The following STAG1 variants were observed in gnomAD, a reference collection of about 807,000 sequenced individuals.
STAG1 encodes the protein cohesin subunit SA-1.
STAG1 carries 26 observed loss-of-function variants against 170.9 expected under a neutral mutation model. The ratio of observed to expected loss-of-function variants is 0.15; its 90% CI spans 0.11 to 0.21. STAG1 has a LOEUF of 0.21. Ranked by LOEUF, STAG1 falls within the 10% of genes least tolerant of loss-of-function variation. STAG1 has a pLI of 1.00. For synonymous variants in STAG1, 514 were observed against 497.7 expected (o/e 1.03, Z -0.44); for missense variants, 964 against 1,509.5 (o/e 0.64, Z 5.99).
In STAG1 at chr3:136,632,185, G is replaced by A. The variant is rs1940358276; in HGVS notation, c.-83-1204C>T. On this transcript the variant is annotated intron_variant, in intron 1 of 33. Transcript: ENST00000383202. ...ATAATCTTTCAAAAAAATGAAAGGA[G>A]TCATACCATGGGAAATCGATGAGTA... Among the ~76,000 whole-genome samples, 4 of 152,170 alleles carry A rather than the reference G, an allele frequency of 2.6e-5. No individual in the cohort carries two copies. In the South Asian group the frequency reaches 8.3e-4, roughly 32 times the overall value.
intron 15 of STAG1, among the ~76,000 whole-genome samples, chr3:136,435,075 C>G (rs1207313554): frequency 1.3e-5 from 2 of 152,170 alleles, no homozygotes; most frequent in Non-Finnish European, 2.9e-5. Context: ...TTTGATTATA[C>G]TAGACTTATG....
chr3:136,592,947 C>T (rs952422688), intron 4 of STAG1, among the ~76,000 whole-genome samples: 3 of 152,202 alleles, frequency 2.0e-5, no homozygotes, highest in Admixed American at 1.3e-4. Flanking sequence ...AGTTCAAAGG[C>T]ACAGACAACC....
At chr3:136,689,861 G>C (rs1472490330) in intron 1 of STAG1, among the ~76,000 whole-genome samples, 1 of 151,886 alleles carries the variant, frequency 6.6e-6, no homozygotes, top group Non-Finnish European at 1.5e-5. Context: ...GGCCTAGATG[G>C]TAAAATCCCA....
chr3:136,397,608 G>A (rs2087203972), intron 22 of STAG1, among the ~76,000 whole-genome samples: 1 of 152,100 alleles, frequency 6.6e-6, no homozygotes, highest in Admixed American at 6.6e-5. Context: ...AGCCCCTGAA[G>A]GAAACTGGAG....
intron 3 of STAG1, among the ~76,000 whole-genome samples, chr3:136,622,885 C>G (rs989151532): frequency 6.6e-6 from 1 of 152,202 alleles, no homozygotes; most frequent in South Asian, 2.1e-4. Context: ...AAACCTCATT[C>G]ACTGTTAGTG....
chr3:136,735,937 T>C (rs1305285295), intron 1 of STAG1, among the ~76,000 whole-genome samples: 2 of 152,150 alleles, frequency 1.3e-5, no homozygotes, highest in East Asian at 1.9e-4. Flanking sequence ...GCCACGCTGA[T>C]TGGTCAGTAG....
At chr3:136,752,006 ACCCCGCACAGGCCCGCGCGGCCTCCCTC>A (rs976342035) in intron 1 of STAG1, among the ~76,000 whole-genome samples, 161 bp downstream of exon 1, 8 of 150,506 alleles carry the variant, frequency 5.3e-5, no homozygotes, top group East Asian at 2.0e-4. Flanking sequence ...CGACCGCCGC[ACCCCGCACAGGCCCGCGCGGCCTCCCTC>A]CCCCGCACGG....
intron 9 of STAG1, among the ~76,000 whole-genome samples, chr3:136,488,379 T>G (rs2090058050): frequency 6.6e-6 from 1 of 152,210 alleles, no homozygotes; most frequent in Non-Finnish European, 1.5e-5. Flanking sequence ...CGCCTTGGCC[T>G]CCCAAAGGGC....
intron 7 of STAG1, among the ~76,000 whole-genome samples, chr3:136,513,282 A>G (rs1934170411): frequency 6.6e-6 from 1 of 152,024 alleles, no homozygotes; most frequent in Non-Finnish European, 1.5e-5. Flanking sequence ...CCTTGAACCC[A>G]GGAGGCATAG....
At chr3:136,525,845 C>T (rs896480920) in intron 6 of STAG1, among the ~76,000 whole-genome samples, 22 of 152,282 alleles carry the variant, frequency 1.4e-4, no homozygotes, top group African/African-American at 4.3e-4. Flanking sequence ...GCCTTCATTT[C>T]GTTATGTATC....
intron 4 of STAG1, among the ~76,000 whole-genome samples, chr3:136,577,512 C>A (rs911364525): frequency 5.3e-5 from 8 of 152,124 alleles, no homozygotes; most frequent in Non-Finnish European, 1.5e-5. Flanking sequence ...TAATTCTGAG[C>A]CTCCCATACC....
intron 1 of STAG1, among the ~76,000 whole-genome samples, chr3:136,676,993 G>C (rs1390518744): frequency 6.6e-6 from 1 of 151,976 alleles, no homozygotes; most frequent in Non-Finnish European, 1.5e-5. Flanking sequence ...AAATTCTTCA[G>C]GAACAGTAAC....
intron 23 of STAG1, 119 bp downstream of exon 23, chr3:136,377,541 C>T (rs80038788): frequency 1.4e-6 from 1 of 706,632 alleles, no homozygotes; most frequent in Non-Finnish European, 2.4e-6. Context: ...TGTTCCAGGT[C>T]CAGTAAATGT....
chr3:136,601,710 A>T (rs547499534), intron 4 of STAG1, among the ~76,000 whole-genome samples: 93 of 152,098 alleles, frequency 6.1e-4, no homozygotes, highest in African/African-American at 2.1e-3. Context: ...GGTGGCAGGC[A>T]CCTGTAACCC....
intron 6 of STAG1, 99 bp from the exon 7 acceptor site, chr3:136,521,516 A>G (rs1934669430): frequency 1.0e-6 from 1 of 981,234 alleles, no homozygotes; most frequent in South Asian, 1.7e-5. Flanking sequence ...TTTTTTGCAA[A>G]GCAGTTATAG....
chr3:136,514,365 C>A (rs908242156), intron 7 of STAG1, among the ~76,000 whole-genome samples: 1 of 152,154 alleles, frequency 6.6e-6, no homozygotes, highest in African/African-American at 2.4e-5. Context: ...CAGTAAGATA[C>A]CATCTCACAC....
rs1942805451 is a variant in STAG1, at chr3:136,694,000, C to T, written c.-84+58195G>A. Among the ~76,000 whole-genome samples the T allele has an allele frequency of 2.0e-5, 3 of 152,078 alleles. No homozygotes were observed. In the South Asian group the frequency reaches 6.2e-4, roughly 31 times the overall value. On this transcript the variant is annotated intron_variant, in intron 1 of 33. Coordinates refer to ENST00000383202, the MANE Select transcript of STAG1 (RefSeq NM_005862.3). ...TTCTATGTTAGCTCTTCTTGGGAGA[C>T]CACTGACAAAATTAAGACCAATTCT...
chr3:136,453,169 T>C (rs1345324897), intron 13 of STAG1, among the ~76,000 whole-genome samples: 7 of 152,184 alleles, frequency 4.6e-5, no homozygotes, highest in Non-Finnish European at 1.0e-4. Flanking sequence ...ATGAACCCAA[T>C]AGTTTTTAGT....
intron 4 of STAG1, among the ~76,000 whole-genome samples, chr3:136,580,521 C>CTTTTTTT (rs760635116): frequency 4.0e-5 from 4 of 100,352 alleles, no homozygotes; most frequent in Non-Finnish European, 7.8e-5. Context: ...TTGTATAATT[C>CTTTTTTT]TTTTTTTTTT....
Sources: gnomAD v4.1 joint callset for allele counts (sites outside exome capture counted in the v4.1 genomes callset) on GRCh38, gnomAD v4.1.1 for gene constraint, MANE v1.5 for transcripts, NCBI Gene and HGNC (gene_info 2026-07-23, HGNC 2026-07-21) for gene names.